PTPRT: variants seen among roughly 807,000 people sequenced by gnomAD.
PTPRT encodes the protein protein tyrosine phosphatase receptor type T, also known as receptor-type tyrosine-protein phosphatase T.
Under a neutral mutation model 176.8 loss-of-function variants are expected in PTPRT, and 56 were observed. The ratio of observed to expected loss-of-function variants is 0.32; its 90% confidence interval spans 0.26 to 0.40. The LOEUF is 0.40. Among genes scored for constraint, PTPRT ranks in the 10% least tolerant of loss-of-function variants. The pLI is 1.00. For synonymous variants in PTPRT, 783 were observed against 739.0 expected, an observed-to-expected ratio of 1.06 and a Z score of -0.96; for missense variants, 1,540 against 1,908.2, an observed-to-expected ratio of 0.81 and a Z score of 3.60.
chr20:42,176,071 C>T (rs1252608613), intron 16 of PTPRT, among the ~76,000 whole-genome samples: 1 of 152,120 alleles, frequency 6.6e-6, no homozygotes, highest in Non-Finnish European at 1.5e-5. Flanking sequence ...AGATTAGTAT[C>T]TTATCCTTCA....
At chr20:42,674,135 T>C (rs149408694) in intron 7 of PTPRT, among the ~76,000 whole-genome samples, 2 of 152,234 alleles carry the variant, frequency 1.3e-5, no homozygotes, top group Non-Finnish European at 2.9e-5. Context: ...TACAAATAGA[T>C]ACCAGCCCTG....
chr20:42,579,302 C>A lies in PTPRT; in HGVS notation c.1153+98564G>T, dbSNP rs1167061630. 3.3e-5 allele frequency among the ~76,000 whole-genome samples: 5 copies of A among 152,074 alleles called. No homozygotes were observed. The East Asian group carries it at 7.7e-4, about 23-fold the overall frequency. On this transcript the variant is annotated intron_variant, in intron 7 of 30. Coordinates refer to ENST00000373187, the MANE Select transcript of PTPRT (RefSeq NM_007050.6). ...ATGGGCCACATTTTCTTAATCCAGTCTATCATTGTTGGACATTTGGGTTGG... is the reference window on the plus strand; with the variant it reads ...ATGGGCCACATTTTCTTAATCCAGTATATCATTGTTGGACATTTGGGTTGG...
intron 7 of PTPRT, among the ~76,000 whole-genome samples, chr20:42,630,441 G>A (rs933597943): frequency 1.3e-5 from 2 of 152,006 alleles, no homozygotes; most frequent in African/African-American, 4.8e-5. Flanking sequence ...TTGGGGGGAG[G>A]GTAAAGGAAA....
At chr20:42,681,141 C>G (rs1190675377) in intron 6 of PTPRT, among the ~76,000 whole-genome samples, 1 of 152,198 alleles carries the variant, frequency 6.6e-6, no homozygotes, top group East Asian at 1.9e-4. Flanking sequence ...GTAAGCAGCA[C>G]ATTATTTTAA....
chr20:42,877,154 G>GAAA (rs111461366), intron 2 of PTPRT, among the ~76,000 whole-genome samples: 4 of 151,194 alleles, frequency 2.6e-5, no homozygotes, highest in Non-Finnish European at 3.0e-5. Context: ...AAAATAAGCA[G>GAAA]AAAAAAAAGG....
At chr20:42,779,774 G>T (rs1157516561) in intron 4 of PTPRT, among the ~76,000 whole-genome samples, 1 of 151,898 alleles carries the variant, frequency 6.6e-6, no homozygotes, top group African/African-American at 2.4e-5. Flanking sequence ...TATTTTAAAA[G>T]AATTAATAAC....
intron 1 of PTPRT, among the ~76,000 whole-genome samples, chr20:42,927,609 A>G (rs1388029592): frequency 6.6e-6 from 1 of 151,948 alleles, no homozygotes; most frequent in Non-Finnish European, 1.5e-5. Context: ...AGGGAAAGGG[A>G]AGGGGAAGGA....
At chr20:42,032,635 T>G in the PTPRT span, among the ~76,000 whole-genome samples, 1 of 152,188 alleles carries the variant, frequency 6.6e-6, no homozygotes, top group South Asian at 2.1e-4. Context: ...CCCCTCCTTT[T>G]AAGTGTGGGC....
At chr20:42,964,243 G>A (rs866980627) in intron 1 of PTPRT, among the ~76,000 whole-genome samples, 3 of 152,046 alleles carry the variant, frequency 2.0e-5, no homozygotes, top group African/African-American at 4.8e-5. Context: ...CAAGTGTATC[G>A]AAATATTTTC....
intron 13 of PTPRT, among the ~76,000 whole-genome samples, chr20:42,278,054 C>T (rs1327438835): frequency 1.8e-5 from 2 of 110,656 alleles, no homozygotes; most frequent in Non-Finnish European, 3.6e-5. Context: ...GGGAGATAGA[C>T]ATTAAACATG....
At chr20:42,089,057 G>A (rs937288501) in intron 27 of PTPRT, among the ~76,000 whole-genome samples, 2 of 152,070 alleles carry the variant, frequency 1.3e-5, no homozygotes, top group Admixed American at 1.3e-4. Flanking sequence ...CTTTCCTGGC[G>A]TCTCCACTGG....
chr20:42,159,885 A>G (rs1452372198), intron 17 of PTPRT, among the ~76,000 whole-genome samples: 1 of 152,220 alleles, frequency 6.6e-6, no homozygotes, highest in African/African-American at 2.4e-5. Flanking sequence ...AAACTCAGAT[A>G]GCAAAATTCT....
Position 42,696,794 on chromosome 20 carries a change from G to A in PTPRT, c.860-18635C>T, listed in dbSNP as rs143695305. ...AAGTGAGTCTTCTGAAGACAGCCAGGAGCTCTGCGAGCTTGGGAGCAGATC... is the reference window on the plus strand; with the variant it reads ...AAGTGAGTCTTCTGAAGACAGCCAGAAGCTCTGCGAGCTTGGGAGCAGATC... On this transcript the variant is annotated intron_variant, in intron 6 of 30. Transcript: ENST00000373187. 7.3e-4 allele frequency among the ~76,000 whole-genome samples: 111 copies of A among 152,130 alleles called. 1 individual carries two copies. Among genetic ancestry groups the A allele is most frequent in the African/African-American group, 2.3e-3 (96 of 41,500 alleles).
At chr20:42,087,541 C>T (rs1407899270) in intron 27 of PTPRT, among the ~76,000 whole-genome samples, 1 of 150,294 alleles carries the variant, frequency 6.7e-6, no homozygotes, top group Non-Finnish European at 1.5e-5. Context: ...GCCACTGCAC[C>T]TGGCCATAAA....
intron 2 of PTPRT, among the ~76,000 whole-genome samples, chr20:42,828,508 A>C (rs1349266003): frequency 2.6e-5 from 4 of 152,166 alleles, no homozygotes; most frequent in African/African-American, 9.6e-5. Context: ...GACAAGGGGG[A>C]AAATGTCTCC....
At position 42,595,342 on chromosome 20, in the gene PTPRT, C is replaced by T. The variant is rs191418808; in HGVS notation, c.1153+82524G>A. Among the ~76,000 whole-genome samples the T allele has an allele frequency of 1.0e-3, 152 of 152,190 alleles. 1 individual carries two copies. Among genetic ancestry groups the T allele is most frequent in the African/African-American group, 3.5e-3 (146 of 41,536 alleles). ...TTTTCTTGTGGAACTGCTCAGTGCA[C>T]TGTAGGATGTTTAGAAGCATCCCTG... On this transcript the variant is annotated intron_variant, in intron 7 of 30. Transcript: ENST00000373187.
chr20:42,450,913 A>G (rs1568890689), intron 8 of PTPRT, among the ~76,000 whole-genome samples: 1 of 152,202 alleles, frequency 6.6e-6, no homozygotes, highest in Admixed American at 6.5e-5. Flanking sequence ...ATAAAGGGAT[A>G]TGGTACTAGG....
chr20:42,053,404 T>C, the PTPRT span, among the ~76,000 whole-genome samples: 307 of 152,316 alleles, frequency 2.0e-3, no homozygotes, highest in African/African-American at 7.1e-3. Flanking sequence ...CTTGCTATAA[T>C]ACCACTGTAT....
intron 2 of PTPRT, among the ~76,000 whole-genome samples, chr20:42,824,499 T>C (rs1305222065): frequency 1.3e-5 from 2 of 152,062 alleles, no homozygotes; most frequent in African/African-American, 4.8e-5. Context: ...ACAGCCCCAC[T>C]TTTAATGAGG....
Sources: gnomAD v4.1 joint callset for allele counts (sites outside exome capture counted in the v4.1 genomes callset) on GRCh38, gnomAD v4.1.1 for gene constraint, MANE v1.5 for transcripts, NCBI Gene and HGNC (gene_info 2026-07-23, HGNC 2026-07-21) for gene names.